Variants in CDKL5 observed in about 807,000 individuals in gnomAD.
CDKL5 encodes cyclin-dependent kinase-like 5.
In CDKL5, 8 loss-of-function variants were observed where a neutral mutation model predicts 61.7. The ratio of observed to expected loss-of-function variants is 0.13; its 90% CI spans 0.08 to 0.23. The LOEUF (loss-of-function observed/expected upper bound fraction) is 0.23. Ranked by LOEUF, CDKL5 falls within the 10% of genes least tolerant of loss-of-function variation. The pLI, the probability that CDKL5 is intolerant of heterozygous loss-of-function variation, is 1.00. For synonymous variants in CDKL5, 275 were observed against 272.3 expected (o/e 1.01, Z -0.10); for missense variants, 440 against 734.5 (o/e 0.60, Z 4.63).
At chrX:18,520,764 T>A (rs1259346348) in intron 3 of CDKL5, among the ~76,000 whole-genome samples, 1 of 111,852 alleles carries the variant, frequency 8.9e-6, no homozygotes, top group East Asian at 2.8e-4. Context: ...CTCCTCCTCA[T>A]TGAGACAAAG....
At chrX:18,600,663 A>G (rs1926150107) in intron 11 of CDKL5, among the ~76,000 whole-genome samples, 1 of 111,900 alleles carries the variant, frequency 8.9e-6, no homozygotes, top group African/African-American at 3.2e-5. Flanking sequence ...TGGGGACCTG[A>G]GGCTCTCCTC....
chrX:18,565,438 T>C (rs1027622919), intron 4 of CDKL5, among the ~76,000 whole-genome samples: 1 of 112,312 alleles, frequency 8.9e-6, no homozygotes, highest in Non-Finnish European at 1.9e-5. Context: ...TCAAATGGAT[T>C]GATTTCACTA....
At chrX:18,473,254 C>T (rs1164016231) in intron 1 of CDKL5, among the ~76,000 whole-genome samples, 3 of 110,972 alleles carry the variant, frequency 2.7e-5, no homozygotes, top group South Asian at 3.8e-4. Flanking sequence ...CCACTGTGCC[C>T]GGCCCTCTTC....
At chrX:18,509,223 A>G (rs1922726502) in intron 2 of CDKL5, among the ~76,000 whole-genome samples, 1 of 106,578 alleles carries the variant, frequency 9.4e-6, no homozygotes, top group South Asian at 4.2e-4. Flanking sequence ...ACACACACAC[A>G]CACACACACA....
chrX:18,517,417 A>G (rs959574244), intron 3 of CDKL5, among the ~76,000 whole-genome samples: 1 of 111,763 alleles, frequency 8.9e-6, no homozygotes, highest in African/African-American at 3.3e-5. Flanking sequence ...TTAAGTTAAC[A>G]TTCTTATTTA....
At chrX:18,432,314 T>C (rs1416922851) in intron 1 of CDKL5, among the ~76,000 whole-genome samples, 1 of 109,249 alleles carries the variant, frequency 9.2e-6, no homozygotes, top group Non-Finnish European at 1.9e-5. Context: ...GCCAGGCTGG[T>C]CTTGAACCCC....
chrX:18,577,552 G>A lies in CDKL5; in HGVS notation c.282+2062G>A, dbSNP rs758989847. Among the ~76,000 whole-genome samples, 18 of 112,319 alleles carry A rather than the reference G, an allele frequency of 1.6e-4. No individual in the cohort carries two copies. In the East Asian group the frequency reaches 5.0e-3, roughly 31 times the overall value. On this transcript the variant is annotated intron_variant, in intron 5 of 17. Transcript: ENST00000623535. ...TAAATACAAAGGTAGGGCAGTACAG[G>A]ACTAGTGTGGCAGCTCTGCTCCACC...
At chrX:18,569,272 T>G (rs1925064544) in intron 4 of CDKL5, among the ~76,000 whole-genome samples, 1 of 111,348 alleles carries the variant, frequency 9.0e-6, no homozygotes, top group Admixed American at 9.6e-5. Context: ...ATGATGGTAT[T>G]ATAAGTTTGG....
At chrX:18,481,574 G>A (rs1447502357) in intron 1 of CDKL5, among the ~76,000 whole-genome samples, 1 of 102,936 alleles carries the variant, frequency 9.7e-6, no homozygotes, top group Non-Finnish European at 2.0e-5. Flanking sequence ...TGTTGCCCAG[G>A]CTGGTCTCGA....
chrX:18,574,002 C>T (rs894100443), intron 4 of CDKL5, among the ~76,000 whole-genome samples: 3 of 111,274 alleles, frequency 2.7e-5, no homozygotes, highest in African/African-American at 9.8e-5. Flanking sequence ...AGCCTTTTTC[C>T]TCCTGCGTGC....
At chrX:18,512,664 TTAAAA>T (rs1456923752) in intron 3 of CDKL5, among the ~76,000 whole-genome samples, 1 of 111,055 alleles carries the variant, frequency 9.0e-6, no homozygotes, top group African/African-American at 3.2e-5. Context: ...GATTAAGAAT[TTAAAA>T]TAATAAATAT....
chrX:18,590,925 G>C (rs766546042), intron 9 of CDKL5, among the ~76,000 whole-genome samples: 2 of 111,315 alleles, frequency 1.8e-5, no homozygotes, highest in African/African-American at 6.5e-5. Context: ...ACCTCATCTC[G>C]TACCTATCTC....
intron 1 of CDKL5, among the ~76,000 whole-genome samples, chrX:18,458,884 A>G (rs964904301): frequency 8.9e-6 from 1 of 112,059 alleles, no homozygotes; most frequent in African/African-American, 3.2e-5. Context: ...ACTGGTCTAG[A>G]ATGTGGTTCC....
intron 1 of CDKL5, among the ~76,000 whole-genome samples, chrX:18,449,902 C>A (rs778413725): frequency 5.4e-5 from 6 of 110,851 alleles, no homozygotes; most frequent in Non-Finnish European, 9.4e-5. Context: ...TCAAGCGATT[C>A]CCCTGCCTCG....
chrX:18,634,256 C>G lies in CDKL5; in HGVS notation c.*5499C>G, dbSNP rs1007892711. The G allele has an allele frequency of 1.3e-6, 1 of 753,606 alleles. No individual in the cohort carries two copies. The highest frequency in any genetic ancestry group is 8.6e-5 in the Admixed American group (1 of 11,607). 62.1% of individuals were successfully genotyped at this position (753,606 alleles called of 1,213,427 possible). Reference sequence around the variant, plus strand: ...CTGTTTTGACAGACTGCTAAGAATTCCTCAGGACTTCCTTTGGTTGGGGAT... The same window carrying G: ...CTGTTTTGACAGACTGCTAAGAATTGCTCAGGACTTCCTTTGGTTGGGGAT... On this transcript the variant is annotated 3_prime_UTR_variant, in exon 18 of 18. Coordinates refer to ENST00000623535, the MANE Select transcript of CDKL5 (RefSeq NM_001323289.2).
chrX:18,593,622 T>A (rs1925896949), intron 9 of CDKL5, among the ~76,000 whole-genome samples: 1 of 111,788 alleles, frequency 8.9e-6, no homozygotes. Context: ...TGGGTGCAAA[T>A]ACTAGTTCTA....
At chrX:18,537,753 A>G (rs1006737679) in intron 3 of CDKL5, among the ~76,000 whole-genome samples, 5 of 112,569 alleles carry the variant, frequency 4.4e-5, no homozygotes, top group Non-Finnish European at 9.4e-5. Flanking sequence ...GTGGAATGAT[A>G]CAATATTTAA....
chrX:18,599,977 C>CAT (rs1428256029), intron 11 of CDKL5, among the ~76,000 whole-genome samples: 2 of 111,356 alleles, frequency 1.8e-5, no homozygotes, highest in African/African-American at 6.5e-5. Context: ...GGACAACAGG[C>CAT]ATGTGCCACC....
intron 1 of CDKL5, among the ~76,000 whole-genome samples, chrX:18,484,353 C>T (rs1921707375): frequency 1.8e-5 from 2 of 109,937 alleles, no homozygotes; most frequent in South Asian, 4.0e-4. Context: ...CTCGCCCTGT[C>T]GCCCAGGCTG....
Sources: allele counts gnomAD v4.1 joint callset (sites outside exome capture counted in the v4.1 genomes callset), GRCh38; gene constraint gnomAD v4.1.1; transcripts MANE v1.5; gene names NCBI Gene and HGNC (gene_info 2026-07-23, HGNC 2026-07-21).